The following NR2C1 variants were observed in gnomAD, a reference collection of about 807,000 sequenced individuals.
NR2C1 encodes the protein nuclear receptor subfamily 2 group C member 1, also known as TR2 nuclear hormone receptor.
Under a neutral mutation model 74.8 loss-of-function variants are expected in NR2C1, and 33 were observed. The observed-to-expected ratio is 0.44, with a 90% CI of 0.33 to 0.59. The LOEUF is 0.59. Among genes scored for constraint, NR2C1 ranks in the 20% least tolerant of loss-of-function variants. The pLI is 0.02. For synonymous variants in NR2C1, 225 were observed against 240.6 expected (o/e 0.94, Z 0.60); for missense variants, 568 against 715.6 (o/e 0.79, Z 2.35).
intron 9 of NR2C1, among the ~76,000 whole-genome samples, chr12:95,041,667 G>A (rs749164139): frequency 1.3e-5 from 2 of 152,132 alleles, no homozygotes; most frequent in Non-Finnish European, 2.9e-5. Flanking sequence ...ATGACCAATA[G>A]TATCAAGTAT....
chr12:95,065,004 C>T (rs1453932715), intron 2 of NR2C1, among the ~76,000 whole-genome samples: 5 of 152,210 alleles, frequency 3.3e-5, no homozygotes, highest in Non-Finnish European at 7.3e-5. Flanking sequence ...CATGGTCCAA[C>T]TGCTCCTGGG....
intron 1 of NR2C1, chr12:95,072,897 T>C (rs549665211): frequency 6.6e-6 from 1 of 152,310 alleles, no homozygotes; most frequent in African/African-American, 2.4e-5. Flanking sequence ...GCACGGGAGT[T>C]AGTGACGGGA....
At chr12:95,068,477 T>C (rs1876070165) in intron 1 of NR2C1, among the ~76,000 whole-genome samples, 1 of 152,034 alleles carries the variant, frequency 6.6e-6, no homozygotes, top group Non-Finnish European at 1.5e-5. Context: ...AATAAAACTT[T>C]AAAATGCTGC....
intron 13 of NR2C1, among the ~76,000 whole-genome samples, chr12:95,022,778 C>T (rs1486051747): frequency 6.6e-6 from 1 of 151,468 alleles, no homozygotes; most frequent in African/African-American, 2.4e-5. Flanking sequence ...ACTGCAGCCT[C>T]AATTCCTTGG....
intron 3 of NR2C1, 59 bp from the exon 4 acceptor site, chr12:95,060,043 C>T: frequency 7.9e-7 from 1 of 1,262,374 alleles, no homozygotes; most frequent in Non-Finnish European, 1.1e-6. Flanking sequence ...TACTCAACAG[C>T]ACTCATTCTA....
At chr12:95,054,398 C>T (rs1258236827) in intron 7 of NR2C1, among the ~76,000 whole-genome samples, 1 of 151,802 alleles carries the variant, frequency 6.6e-6, no homozygotes, top group East Asian at 1.9e-4. Context: ...GCTTTGAACT[C>T]CTAGGCTCAA....
chr12:95,039,798 A>C (rs1437626412), intron 10 of NR2C1, among the ~76,000 whole-genome samples: 3 of 152,168 alleles, frequency 2.0e-5, no homozygotes, highest in Non-Finnish European at 4.4e-5. Flanking sequence ...TGCCCAGCTA[A>C]TTAAAACATT....
At chr12:95,029,722 A>C (rs1226071328) in intron 11 of NR2C1, among the ~76,000 whole-genome samples, 2 of 151,108 alleles carry the variant, frequency 1.3e-5, no homozygotes, top group Non-Finnish European at 3.0e-5. Flanking sequence ...ACGCCTGGCT[A>C]ATTTTTTTGT....
intron 12 of NR2C1, among the ~76,000 whole-genome samples, chr12:95,027,494 T>G (rs972836500): frequency 1.3e-5 from 2 of 152,134 alleles, no homozygotes; most frequent in African/African-American, 2.4e-5. Flanking sequence ...CCCAGCACTT[T>G]GGGAGGCCGA....
intron 7 of NR2C1, among the ~76,000 whole-genome samples, chr12:95,056,593 G>GT (rs1281686403): frequency 6.6e-6 from 1 of 152,000 alleles, no homozygotes; most frequent in Non-Finnish European, 1.5e-5. Context: ...AATATTTTAA[G>GT]TATTTTGGCA....
chr12:95,057,580 C>A lies in NR2C1; in HGVS notation c.756G>T (p.Glu252Asp). The A allele has an allele frequency of 6.2e-7, 1 of 1,613,832 alleles. No homozygotes were observed. The highest frequency in any genetic ancestry group is 8.5e-7 in the Non-Finnish European group (1 of 1,179,784). Residue 252 changes from glutamate to aspartate, a missense_variant, in exon 7 of 14, where the codon GAG (glutamate) becomes GAT (aspartate). Physicochemically the swap from Glu to Asp is conservative, Grantham distance 45. Around this residue, in one of 6 missense-constraint regions of NR2C1, gnomAD observed 239 missense variants for 232.3 expected, o/e 1.03. Transcript: ENST00000333003. The part of the protein sequence containing the change: ...MNIHPSGVKT[E>D]SAVLMTSDKA... ...TATCTGATGTCATCAGCACAGCTGA[C>A]TCAGTTTTTACTCCAGATGGATGAA...
rs763054920 is a variant in NR2C1 at position 95,020,347 on chromosome 12, G to GA, written c.*1881dup. 11 of 151,974 alleles carry GA rather than the reference G, an allele frequency of 7.2e-5. No homozygotes were observed. Among genetic ancestry groups the GA allele is most frequent in the Non-Finnish European group, 1.3e-4 (9 of 67,972 alleles). 9.4% of individuals were successfully genotyped at this position (151,974 alleles called of 1,614,324 possible). A position where few individuals can be genotyped will look rare whatever the true frequency, so the allele number is the denominator to read the frequency against. On this transcript the variant is annotated 3_prime_UTR_variant, in exon 14 of 14. Transcript: ENST00000333003. ...CCAAATATAGTAGCAAATTTAATCA[G>GA]AAAAAACACCTGAAACATCTTAACT...
At chr12:95,037,754 G>C (rs1871034626) in intron 10 of NR2C1, among the ~76,000 whole-genome samples, 1 of 152,066 alleles carries the variant, frequency 6.6e-6, no homozygotes, top group South Asian at 2.1e-4. Context: ...AATTAGCCGG[G>C]TGTGGTTGCA....
intron 7 of NR2C1, among the ~76,000 whole-genome samples, chr12:95,052,860 A>G (rs577024544): frequency 6.6e-6 from 1 of 152,370 alleles, no homozygotes; most frequent in South Asian, 2.1e-4. Context: ...GTGTTAATTA[A>G]ATGTGTTAAA....
At chr12:95,038,271 A>G (rs1871108758) in intron 10 of NR2C1, among the ~76,000 whole-genome samples, 1 of 152,224 alleles carries the variant, frequency 6.6e-6, no homozygotes, top group South Asian at 2.1e-4. Flanking sequence ...AATTATACTC[A>G]ATTTAATAGA....
At chr12:95,047,081 A>G (rs1244683513) in intron 9 of NR2C1, among the ~76,000 whole-genome samples, 1 of 152,196 alleles carries the variant, frequency 6.6e-6, no homozygotes, top group Non-Finnish European at 1.5e-5. Context: ...ATAAACAGGT[A>G]AACTACCCCT....
chr12:95,035,796 A>G (rs1844775477), intron 10 of NR2C1, among the ~76,000 whole-genome samples: 1 of 152,234 alleles, frequency 6.6e-6, no homozygotes, highest in Admixed American at 6.5e-5. Flanking sequence ...AGGCTACTCT[A>G]AAAAGATGGT....
At chr12:95,030,342 A>T (rs1253218678) in intron 11 of NR2C1, 1 of 725,882 alleles carries the variant, frequency 1.4e-6, no homozygotes, top group East Asian at 3.8e-5. Flanking sequence ...TTTCACTACC[A>T]AGACTACTAT....
intron 1 of NR2C1, 40 bp from the exon 2 acceptor site, chr12:95,067,431 A>G (rs753859099): frequency 2.3e-6 from 3 of 1,327,328 alleles, no homozygotes; most frequent in South Asian, 2.4e-5. Flanking sequence ...TAAACTCACA[A>G]AACACTCTTA....
Sources: gnomAD v4.1 joint callset for allele counts (sites outside exome capture counted in the v4.1 genomes callset) on GRCh38, gnomAD v4.1.1 for gene constraint, gnomAD v4.1.1 regional missense constraint, MANE v1.5 for transcripts, NCBI Gene and HGNC (gene_info 2026-07-23, HGNC 2026-07-21) for gene names.